CDHR3: variants seen among roughly 807,000 people sequenced by gnomAD.
The protein encoded by CDHR3 is cadherin related family member 3, also known as cadherin-related family member 3.
Under a neutral mutation model 86.6 loss-of-function variants are expected in CDHR3, and 79 were observed. That is an observed-to-expected ratio of 0.91 (90% confidence interval 0.76 to 1.10). The LOEUF is 1.10. Among genes scored for constraint, CDHR3 ranks in the 50% least tolerant of loss-of-function variants. CDHR3 has a pLI of 0.00. For missense variants in CDHR3, 1,081 were observed against 1,077.6 expected, an observed-to-expected ratio of 1.00 and a Z score of -0.04; for synonymous variants, 421 against 402.4, an observed-to-expected ratio of 1.05 and a Z score of -0.55.
intron 2 of CDHR3, among the ~76,000 whole-genome samples, chr7:105,976,371 T>C (rs1365764767): frequency 6.6e-6 from 1 of 152,176 alleles, no homozygotes; most frequent in East Asian, 1.9e-4. Context: ...TGCCCTGGGT[T>C]GTACAGCTAG....
intron 12 of CDHR3, among the ~76,000 whole-genome samples, chr7:106,018,553 C>G (rs1436675983): frequency 6.6e-6 from 1 of 151,864 alleles, no homozygotes; most frequent in South Asian, 2.1e-4. Flanking sequence ...TTTTTGAGGC[C>G]CAAGTTTGCG....
At chr7:105,968,364 T>TA (rs1326338363) in intron 1 of CDHR3, among the ~76,000 whole-genome samples, 1 of 152,118 alleles carries the variant, frequency 6.6e-6, no homozygotes, top group African/African-American at 2.4e-5. Flanking sequence ...TTCTTTTTTT[T>TA]ATTTTTTATT....
In CDHR3 at chr7:106,036,194, G is replaced by A. The variant is rs1838911658; in HGVS notation, c.*3497G>A. 6.6e-6 allele frequency: 1 copy of A among 152,154 alleles called. No homozygotes were observed. Among genetic ancestry groups the A allele is most frequent in the African/African-American group, 2.4e-5 (1 of 41,430 alleles). 9.4% of individuals were successfully genotyped at this position (152,154 alleles called of 1,614,324 possible). Reference sequence around the variant, plus strand: ...AACTCAGCCTGTGTAGCAAGCACGGGTGGCTCACAAGCAGAACTGGGAAAT... The same window carrying A: ...AACTCAGCCTGTGTAGCAAGCACGGATGGCTCACAAGCAGAACTGGGAAAT... On this transcript the variant is annotated 3_prime_UTR_variant, in exon 19 of 19. Transcript: ENST00000317716.
At chr7:106,029,383 G>A (rs868277483) in intron 17 of CDHR3, among the ~76,000 whole-genome samples, 4 of 152,252 alleles carry the variant, frequency 2.6e-5, no homozygotes, top group Middle Eastern at 3.4e-3. Context: ...TTATCACCTC[G>A]GGGACTTCCT....
chr7:105,968,286 A>G (rs1827299707), intron 1 of CDHR3, among the ~76,000 whole-genome samples: 1 of 152,240 alleles, frequency 6.6e-6, no homozygotes, highest in South Asian at 2.1e-4. Context: ...AAAGTTGCAT[A>G]TGTTGAAACA....
At chr7:105,984,727 T>C (rs1302381961) in intron 4 of CDHR3, among the ~76,000 whole-genome samples, 1 of 152,046 alleles carries the variant, frequency 6.6e-6, no homozygotes, top group Non-Finnish European at 1.5e-5. Flanking sequence ...AATCCAAGCA[T>C]TTACCTACCT....
intron 1 of CDHR3, among the ~76,000 whole-genome samples, chr7:105,972,948 C>T (rs936050831): frequency 6.6e-6 from 1 of 152,066 alleles, no homozygotes; most frequent in African/African-American, 2.4e-5. Context: ...TCAATTTTTT[C>T]CTCTTTTCCA....
chr7:106,005,683 G>C (rs548211763), intron 8 of CDHR3, among the ~76,000 whole-genome samples: 1 of 152,202 alleles, frequency 6.6e-6, no homozygotes, highest in Non-Finnish European at 1.5e-5. Context: ...ACATGCAGAG[G>C]ACAAAGGACC....
chr7:106,015,199 C>T lies in CDHR3; in HGVS notation c.1313C>T (p.Pro438Leu), dbSNP rs779755552. ...TVIIQVQDVA[P>L]PYYKNNVYVY... ...ATAATCCAGGTGCAGGATGTGGCCC[C>T]CCCTTACTATAAAAGCAAGTATCAT... The change falls in exon 10 of 19, where the codon CCC (proline) becomes CTC (leucine). Residue 438 changes from proline to leucine, a missense_variant. Pro to Leu is a moderately conservative substitution (Grantham distance 98). Transcript: ENST00000317716. 3.2e-5 allele frequency: 51 copies of T among 1,608,626 alleles called. 1 individual carries two copies. In the Admixed American group the frequency reaches 8.4e-4, roughly 27 times the overall value.
intron 15 of CDHR3, among the ~76,000 whole-genome samples, chr7:106,025,607 A>G (rs958494876): frequency 2.0e-5 from 3 of 152,196 alleles, no homozygotes; most frequent in Non-Finnish European, 4.4e-5. Flanking sequence ...GGATCTCTCA[A>G]TGGCAAAAAG....
At position 105,998,787 on chromosome 7, in the gene CDHR3, AC is replaced by A. The variant is rs562128283; in HGVS notation, c.713+2434del. The stretch of plus-strand genomic sequence containing the variant: ...CAACAAGACCAGAACTCCATCTCAA[AC>A]AAAAAAGAAAAAGAAAAAGAAAAAA... On this transcript the variant is annotated intron_variant, in intron 6 of 18. Transcript: ENST00000317716. Among the ~76,000 whole-genome samples the A allele has an allele frequency of 2.2e-4, 33 of 152,092 alleles. No individual in the cohort carries two copies. In the South Asian group the frequency reaches 5.2e-3, roughly 24 times the overall value.
intron 6 of CDHR3, among the ~76,000 whole-genome samples, chr7:106,000,241 C>T (rs1262983841): frequency 6.6e-6 from 1 of 152,236 alleles, no homozygotes; most frequent in Non-Finnish European, 1.5e-5. Context: ...TCTCCTCCAG[C>T]AATGGAGTAT....
At chr7:105,983,631 C>T (rs59824371) in intron 3 of CDHR3, among the ~76,000 whole-genome samples, 1,619 of 152,252 alleles carry the variant, frequency 0.011, 13 homozygotes, top group South Asian at 0.03. Flanking sequence ...CCTCCTCCCC[C>T]ATCACTGTGA....
At chr7:106,027,471 G>A (rs116080028) in intron 16 of CDHR3, among the ~76,000 whole-genome samples, 276 of 152,084 alleles carry the variant, frequency 1.8e-3, no homozygotes, top group African/African-American at 6.4e-3. Context: ...AAATTATTTA[G>A]GTTAGACTAG....
chr7:106,020,238 A>G (rs1042327534), intron 12 of CDHR3, 135 bp from the exon 13 acceptor site: 5 of 718,938 alleles, frequency 7.0e-6, no homozygotes, highest in African/African-American at 1.8e-5. Flanking sequence ...TAAAATGGGA[A>G]TAATCATGTT....
intron 7 of CDHR3, among the ~76,000 whole-genome samples, chr7:106,001,929 T>C (rs1167760612): frequency 1.3e-5 from 2 of 152,248 alleles, no homozygotes; most frequent in East Asian, 1.9e-4. Flanking sequence ...GCCAGCCATT[T>C]ATTTTTCCTG....
chr7:106,024,451 T>C lies in CDHR3; in HGVS notation c.2147T>C (p.Ile716Thr). 6.2e-7 allele frequency: 1 copy of C among 1,614,038 alleles called. No individual in the cohort carries two copies. The highest frequency in any genetic ancestry group is 8.5e-7 in the Non-Finnish European group (1 of 1,179,902). The change falls in exon 15 of 19, where the codon ATC (isoleucine) becomes ACC (threonine). Residue 716 changes from isoleucine to threonine, a missense_variant. By Grantham distance (89) the Ile-to-Thr change is moderately conservative. Transcript: ENST00000317716. ...TCTGCATGGTACGTGCCGTTTGTCATCACTTTGGGCTCCATATTGCTTCTG... is the reference window on the plus strand; with the variant it reads ...TCTGCATGGTACGTGCCGTTTGTCACCACTTTGGGCTCCATATTGCTTCTG... ...SPSAWYVPFV[I>T]TLGSILLLGL...
intron 1 of CDHR3, among the ~76,000 whole-genome samples, chr7:105,973,419 T>A (rs1828270719): frequency 1.3e-5 from 2 of 152,218 alleles, no homozygotes; most frequent in South Asian, 4.1e-4. Flanking sequence ...ATCAAGGTGT[T>A]GGCAGTGTTG....
intron 8 of CDHR3, among the ~76,000 whole-genome samples, chr7:106,007,322 T>C (rs111382422): frequency 2.0e-4 from 30 of 152,390 alleles, no homozygotes; most frequent in African/African-American, 7.0e-4. Context: ...TTGTTACTTA[T>C]GTAAATTTCT....
Sources: gnomAD v4.1 joint callset for allele counts (sites outside exome capture counted in the v4.1 genomes callset) on GRCh38, gnomAD v4.1.1 for gene constraint, MANE v1.5 for transcripts, NCBI Gene and HGNC (gene_info 2026-07-23, HGNC 2026-07-21) for gene names.